Variants in NUAK2 observed in about 807,000 individuals in gnomAD.
The protein encoded by NUAK2 is NUAK family SNF1-like kinase 2.
In NUAK2, 20 loss-of-function variants were observed where a neutral mutation model predicts 29.8. That is an observed-to-expected ratio of 0.67 (90% CI 0.47 to 0.98). The LOEUF is 0.98. Among genes scored for constraint, NUAK2 ranks in the 50% least tolerant of loss-of-function variants. The probability of loss-of-function intolerance (pLI) is 0.00; values close to 1 mark genes in which losing one functional copy is unlikely to be tolerated. For missense variants in NUAK2, 719 were observed against 834.5 expected (o/e 0.86, Z 1.71); for synonymous variants, 331 against 342.6 (o/e 0.97, Z 0.37).
chr1:205,304,135 T>C lies in NUAK2; in HGVS notation c.1202A>G (p.Lys401Arg). The change falls in exon 7 of 7, where the codon AAG (lysine) becomes AGG (arginine). Residue 401 changes from lysine to arginine, a missense_variant. Coordinates refer to ENST00000367157, the MANE Select transcript of NUAK2 (RefSeq NM_030952.3). The surrounding 1 kb of genome is among the most constrained non-coding windows in gnomAD (Gnocchi z 6.5). The part of the protein sequence containing the change: ...TADDTAHRPG[K>R]SNLKLPKGIL... ...GCCCTTTGGCAGCTTGAGGTTGCTC[T>C]TGCCAGGGCGATGGGCAGTGTCATC... 6.2e-7 allele frequency: 1 copy of C among 1,614,200 alleles called. No individual in the cohort carries two copies. Among genetic ancestry groups the C allele is most frequent in the Non-Finnish European group, 8.5e-7 (1 of 1,180,022 alleles).
At chr1:205,313,693 G>A (rs1269586146) in intron 1 of NUAK2, among the ~76,000 whole-genome samples, 1 of 151,788 alleles carries the variant, frequency 6.6e-6, no homozygotes, top group Non-Finnish European at 1.5e-5. Context: ...GAAACAAACA[G>A]GTTGAACTAA....
chr1:205,314,440 AC>A (rs1188176223), intron 1 of NUAK2, among the ~76,000 whole-genome samples: 1 of 152,208 alleles, frequency 6.6e-6, no homozygotes, highest in Non-Finnish European at 1.5e-5. Context: ...AAAAACAAAA[AC>A]AAAAATAAAA....
rs750856889 is a variant in NUAK2 at position 205,303,828 on chromosome 1, T to A, written c.1509A>T (p.Lys503Asn). Reference sequence around the variant, plus strand: ...CTGTCTGGGAGAACTTGCCATTGAGTTTGAGGATGCCTTTGCGATGGAGGA... The same window carrying A: ...CTGTCTGGGAGAACTTGCCATTGAGATTGAGGATGCCTTTGCGATGGAGGA... ...GLLLHRKGIL[K>N]LNGKFSQTAL... Residue 503 changes from lysine to asparagine, a missense_variant, in exon 7 of 7, where the codon AAA (lysine) becomes AAT (asparagine). By Grantham distance (94) the Lys-to-Asn change is moderately conservative. Transcript: ENST00000367157. 3.1e-6 allele frequency: 5 copies of A among 1,603,276 alleles called. No individual in the cohort carries two copies. The highest frequency in any genetic ancestry group is 4.3e-6 in the Non-Finnish European group (5 of 1,174,636).
rs777301287 is a variant in NUAK2, at chr1:205,303,605, T to C, written c.1732A>G (p.Thr578Ala). The change falls in exon 7 of 7, where the codon ACG becomes GCG. Residue 578 changes from threonine to alanine, a missense_variant. By Grantham distance (58) the Thr-to-Ala change is moderately conservative. This residue lies in a region of NUAK2 where 430 missense variants were observed against 465.7 expected (regional missense o/e 0.92). Transcript: ENST00000367157. The part of the protein sequence containing the change: ...LRGCVSVDNL[T>A]GLEEPPSEGP... ...TCTGAGGGGGGCTCCTCAAGCCCCG[T>C]GAGGTTGTCCACAGACACACAGCCC... 6.2e-7 allele frequency: 1 copy of C among 1,611,276 alleles called. No homozygotes were observed. Among genetic ancestry groups the C allele is most frequent in the South Asian group, 1.1e-5 (1 of 90,836 alleles).
At chr1:205,305,951 T>G (rs1662173747) in intron 5 of NUAK2, among the ~76,000 whole-genome samples, 1 of 152,186 alleles carries the variant, frequency 6.6e-6, no homozygotes, top group African/African-American at 2.4e-5. Context: ...TGACCTCAAG[T>G]GATCCACCCA....
chr1:205,310,163 A>G lies in NUAK2; in HGVS notation c.353-1431T>C, dbSNP rs568137180. On this transcript the variant is annotated intron_variant, in intron 2 of 6. Coordinates refer to ENST00000367157, the MANE Select transcript of NUAK2 (RefSeq NM_030952.3). ...TCCCAGCTTCCAGGGAATTGGATAC[A>G]TGGCCAGGAGGACTGTCCTTTTGTC... is the stretch of plus-strand genomic sequence containing the variant. 4.6e-5 allele frequency among the ~76,000 whole-genome samples: 7 copies of G among 152,346 alleles called. No homozygotes were observed. The South Asian group carries it at 1.4e-3, about 32-fold the overall frequency.
chr1:205,309,451 C>T (rs577178880), intron 2 of NUAK2, among the ~76,000 whole-genome samples: 1 of 152,232 alleles, frequency 6.6e-6, no homozygotes, highest in Admixed American at 6.5e-5. Context: ...CTCACCCTCT[C>T]GAGTAGCAGG....
At chr1:205,318,840 C>T (rs1048157030) in intron 1 of NUAK2, among the ~76,000 whole-genome samples, 12 of 152,216 alleles carry the variant, frequency 7.9e-5, no homozygotes, top group Non-Finnish European at 1.5e-4. Flanking sequence ...CCATTAGTTC[C>T]GCCCACCTGC....
At chr1:205,307,698 GC>G (rs979400202) in intron 4 of NUAK2, among the ~76,000 whole-genome samples, 4 of 152,236 alleles carry the variant, frequency 2.6e-5, no homozygotes, top group African/African-American at 9.6e-5. Flanking sequence ...GGAAGCTGGA[GC>G]TGGAGTCCTT....
chr1:205,304,601 C>T lies in NUAK2; in HGVS notation c.824-88G>A. 3 of 1,139,678 alleles carry T rather than the reference C, an allele frequency of 2.6e-6. No homozygotes were observed. Among genetic ancestry groups the T allele is most frequent in the Non-Finnish European group, 2.4e-6 (2 of 817,902 alleles). 70.6% of individuals were successfully genotyped at this position (1,139,678 alleles called of 1,614,324 possible). On this transcript the variant is annotated intron_variant, in intron 6 of 6. Transcript: ENST00000367157. The surrounding 1 kb of genome is among the most constrained non-coding windows in gnomAD (Gnocchi z 6.5). ...TGTCCCCAGCTCATCCCCTTTTGAG[C>T]TATGACACTGCATACTCCTGGGTCG...
intron 4 of NUAK2, among the ~76,000 whole-genome samples, chr1:205,307,673 C>A (rs1892038): frequency 0.3 from 45,515 of 152,170 alleles, 7,189 homozygotes; most frequent in Non-Finnish European, 0.35. Flanking sequence ...GGAAATCTAG[C>A]AGCTGCAGAA....
chr1:205,311,766 T>C lies in NUAK2; in HGVS notation c.291A>G (p.Ile97Met). The change falls in exon 2 of 7, where the codon ATA (isoleucine) becomes ATG (methionine). Residue 97 changes from isoleucine to methionine, a missense_variant. By Grantham distance (10) the Ile-to-Met change is conservative (BLOSUM62 1). Around this residue, in one of 3 missense-constraint regions of NUAK2, gnomAD observed 283 missense variants for 345.6 expected, o/e 0.82. Transcript: ENST00000367157. Reference sequence around the variant, plus strand: ...ATGACATGATCTCAATCTCCCTCCGTATGTGCATCAGATCTTGCTCATCTT... The same window carrying C: ...ATGACATGATCTCAATCTCCCTCCGCATGTGCATCAGATCTTGCTCATCTT... Reference protein sequence around the residue: ...KIKDEQDLMHIRREIEIMSSL... With the variant: ...KIKDEQDLMHMRREIEIMSSL... 1 of 1,614,228 alleles carries C rather than the reference T, an allele frequency of 6.2e-7. No homozygotes were observed. The highest frequency in any genetic ancestry group is 8.5e-7 in the Non-Finnish European group (1 of 1,180,036).
At chr1:205,309,476 G>A (rs1558673884) in intron 2 of NUAK2, among the ~76,000 whole-genome samples, 2 of 152,104 alleles carry the variant, frequency 1.3e-5, no homozygotes, top group Non-Finnish European at 2.9e-5. Flanking sequence ...AAAGGTGCGC[G>A]CCACCATGCC....
At chr1:205,306,056 A>T in intron 5 of NUAK2, 132 bp downstream of exon 5, 1 of 1,255,362 alleles carries the variant, frequency 8.0e-7, no homozygotes, top group Non-Finnish European at 1.1e-6. Flanking sequence ...CTGGCAAGTT[A>T]CTACTTTTTG....
chr1:205,310,630 C>T (rs1027820503), intron 2 of NUAK2, among the ~76,000 whole-genome samples: 2 of 152,120 alleles, frequency 1.3e-5, no homozygotes, highest in African/African-American at 4.8e-5. Flanking sequence ...AATCACCACA[C>T]TCAGCCTAGC....
chr1:205,303,148 A>C lies in NUAK2; in HGVS notation c.*302T>G. 4.5e-6 allele frequency: 1 copy of C among 222,696 alleles called. No homozygotes were observed. Among genetic ancestry groups the C allele is most frequent in the Admixed American group, 5.4e-5 (1 of 18,494 alleles). 13.8% of individuals were successfully genotyped at this position (222,696 alleles called of 1,614,324 possible). A position where few individuals can be genotyped will look rare whatever the true frequency, so the allele number is the denominator to read the frequency against. ...TGGGCCCTGGGAGAGTTCTCTTTCC[A>C]GGTCTCTGTGGCCCCCCCATGTACA... On this transcript the variant is annotated 3_prime_UTR_variant, in exon 7 of 7. Transcript: ENST00000367157.
In NUAK2 at chr1:205,302,142, CAA is replaced by C. The variant is rs1361968009; in HGVS notation, c.*1306_*1307del. The stretch of plus-strand genomic sequence containing the variant: ...GTAGAGACCATTAGGTAAAGAGACT[CAA>C]GAGTGTGGAGTGGAGTGTGGGGGGT... On this transcript the variant is annotated 3_prime_UTR_variant, in exon 7 of 7. Transcript: ENST00000367157. The C allele has an allele frequency of 6.6e-6, 1 of 152,424 alleles. No individual in the cohort carries two copies. The highest frequency in any genetic ancestry group is 1.5e-5 in the Non-Finnish European group (1 of 68,022). The allele number at this position is 152,424 out of a possible 1,614,324, so 9.4% of individuals were successfully genotyped here.
Position 205,321,470 on chromosome 1 carries a change from G to A in NUAK2, c.159C>T (p.Tyr53=). The change falls in exon 1 of 7, where the codon TAC becomes TAT. Residue 53 remains tyrosine (Y), a synonymous_variant. Coordinates refer to ENST00000367157, the MANE Select transcript of NUAK2 (RefSeq NM_030952.3). ...HHHKHNLRHR[Y]EFLETLGKGT... ...CTTTGCCCAGGGTCTCCAGGAACTC[G>A]TAGCGGTGCCGCAGGTTGTGCTTGT... 6.2e-7 allele frequency: 1 copy of A among 1,614,024 alleles called. No individual in the cohort carries two copies. Among genetic ancestry groups the A allele is most frequent in the Non-Finnish European group, 8.5e-7 (1 of 1,179,896 alleles).
rs1448706073 is a variant in NUAK2, at chr1:205,304,592, C to T, written c.824-79G>A. ...CCTGTCCCCTGTCCCCAGCTCATCC[C>T]CTTTTGAGCTATGACACTGCATACT... On this transcript the variant is annotated intron_variant, in intron 6 of 6. Coordinates refer to ENST00000367157, the MANE Select transcript of NUAK2 (RefSeq NM_030952.3). The surrounding 1 kb of genome is among the most constrained non-coding windows in gnomAD (Gnocchi z 6.5). 8.3e-7 allele frequency: 1 copy of T among 1,208,954 alleles called. No individual in the cohort carries two copies. The highest frequency in any genetic ancestry group is 2.9e-5 in the Admixed American group (1 of 34,218). The allele number at this position is 1,208,954 out of a possible 1,614,324, so 74.9% of individuals were successfully genotyped here. A position where few individuals can be genotyped will look rare whatever the true frequency, so the allele number is the denominator to read the frequency against.
Sources: gnomAD v4.1 joint callset for allele counts (sites outside exome capture counted in the v4.1 genomes callset) on GRCh38, gnomAD v4.1.1 for gene constraint, gnomAD v4.1.1 regional missense constraint, Gnocchi (gnomAD v3.1) non-coding constraint, MANE v1.5 for transcripts, NCBI Gene and HGNC (gene_info 2026-07-23, HGNC 2026-07-21) for gene names.